The following STEAP4 variants were observed in gnomAD, a reference collection of about 807,000 sequenced individuals.
STEAP4 encodes metalloreductase STEAP4.
Under a neutral mutation model 43.6 loss-of-function variants are expected in STEAP4, and 36 were observed. The observed-to-expected ratio is 0.83, with a 90% CI of 0.63 to 1.09. The LOEUF (loss-of-function observed/expected upper bound fraction) is 1.09. Ranked by LOEUF, STEAP4 falls within the 50% of genes least tolerant of loss-of-function variation. The pLI is 0.00. For missense variants in STEAP4, 495 were observed against 546.5 expected (o/e 0.91, Z 0.94); for synonymous variants, 191 against 196.7 (o/e 0.97, Z 0.24).
At position 88,284,390 on chromosome 7, in the gene STEAP4, ATATT is replaced by A. The variant is rs1388541012; in HGVS notation, c.-2-123_-2-120del. ...TTGTTGTAATCTAATTATCTTAACT[ATATT>A]TACCCCCAAATTTGGAAGGAGTAAA... On this transcript the variant is annotated intron_variant, in intron 1 of 4. Transcript: ENST00000380079. 19 of 760,884 alleles carry A rather than the reference ATATT, an allele frequency of 2.5e-5. No individual in the cohort carries two copies. In the Admixed American group the frequency reaches 4.1e-4, roughly 16 times the overall value. The allele number at this position is 760,884 out of a possible 1,614,324, so 47.1% of individuals were successfully genotyped here.
chr7:88,303,189 A>AG (rs1853067182), intron 1 of STEAP4, among the ~76,000 whole-genome samples: 1 of 140,938 alleles, frequency 7.1e-6, no homozygotes, highest in Non-Finnish European at 1.6e-5. Flanking sequence ...TGCATTAAAA[A>AG]AAAAAAAAAA....
intron 1 of STEAP4, among the ~76,000 whole-genome samples, chr7:88,303,616 G>T (rs1853077627): frequency 6.6e-6 from 1 of 152,102 alleles, no homozygotes; most frequent in Non-Finnish European, 1.5e-5. Flanking sequence ...TTGTGGAGAA[G>T]AATTTAGATT....
intron 1 of STEAP4, among the ~76,000 whole-genome samples, chr7:88,289,603 T>C (rs185164565): frequency 6.6e-6 from 1 of 152,252 alleles, no homozygotes; most frequent in East Asian, 1.9e-4. Context: ...ATTTAGGCCT[T>C]TGTAGGGAGG....
chr7:88,292,537 C>A (rs907318309), intron 1 of STEAP4: 3 of 152,078 alleles, frequency 2.0e-5, no homozygotes, highest in Admixed American at 2.0e-4. Flanking sequence ...ATCTTTCACC[C>A]AGTTTCCTCC....
Position 88,271,867 on chromosome 7 carries a change from C to G in STEAP4, c.*7531G>C, listed in dbSNP as rs1404887386. 6.6e-6 allele frequency: 1 copy of G among 152,210 alleles called. No homozygotes were observed. The highest frequency in any genetic ancestry group is 1.5e-5 in the Non-Finnish European group (1 of 68,040). The allele number at this position is 152,210 out of a possible 1,614,324, so 9.4% of individuals were successfully genotyped here. A position where few individuals can be genotyped will look rare whatever the true frequency, so the allele number is the denominator to read the frequency against. On this transcript the variant is annotated 3_prime_UTR_variant, in exon 5 of 5. Coordinates refer to ENST00000380079, the MANE Select transcript of STEAP4 (RefSeq NM_024636.4). ...AAACATTTGGATTTTTGCCCATCTA[C>G]TAGGTGAGAAATGGTATTGATACAG... is the stretch of plus-strand genomic sequence containing the variant.
chr7:88,283,162 C>A lies in STEAP4; in HGVS notation c.463G>T (p.Val155Leu), dbSNP rs772480842. 6.5e-6 allele frequency: 10 copies of A among 1,537,756 alleles called. No individual in the cohort carries two copies. The highest frequency in any genetic ancestry group is 1.3e-5 in the South Asian group (1 of 76,828). ...GALDASRQVF[V>L]CGNDSKAKQR... ...TTGGCTTTGCTGTCATTTCCACACA[C>A]AAACACCTAGTTTAAAAACAGTTAA... is the stretch of plus-strand genomic sequence containing the variant. The change falls in exon 3 of 5, where the codon GTG becomes TTG. Residue 155 changes from valine to leucine, a missense_variant. By Grantham distance (32) the Val-to-Leu change is conservative (BLOSUM62 1). Transcript: ENST00000380079.
chr7:88,299,382 G>GATTC (rs528258563), intron 1 of STEAP4, among the ~76,000 whole-genome samples: 67 of 152,318 alleles, frequency 4.4e-4, no homozygotes, highest in Non-Finnish European at 7.6e-4. Context: ...CAAGGTCAGG[G>GATTC]ATTCAGTCGT....
In STEAP4 at chr7:88,275,881, G is replaced by C. The variant is rs745386792; in HGVS notation, c.*3517C>G. On this transcript the variant is annotated 3_prime_UTR_variant, in exon 5 of 5. Transcript: ENST00000380079. The stretch of plus-strand genomic sequence containing the variant: ...TAATTGAAATGGCTTTTTCAGTAGG[G>C]GCTTTCCATTTGCTTCCAGCTTCCT... 2.0e-5 allele frequency: 3 copies of C among 151,974 alleles called. No homozygotes were observed. Among genetic ancestry groups the C allele is most frequent in the Non-Finnish European group, 2.9e-5 (2 of 68,008 alleles). The allele number at this position is 151,974 out of a possible 1,614,324, so 9.4% of individuals were successfully genotyped here.
At position 88,274,658 on chromosome 7, in the gene STEAP4, G is replaced by A. The variant is rs1244595662; in HGVS notation, c.*4740C>T. 6.6e-6 allele frequency: 1 copy of A among 152,198 alleles called. No homozygotes were observed. The highest frequency in any genetic ancestry group is 2.4e-5 in the African/African-American group (1 of 41,454). 9.4% of individuals were successfully genotyped at this position (152,198 alleles called of 1,614,324 possible). On this transcript the variant is annotated 3_prime_UTR_variant, in exon 5 of 5. Coordinates refer to ENST00000380079, the MANE Select transcript of STEAP4 (RefSeq NM_024636.4). ...ATAAAAGGGCTATTTCATAGGCAGA[G>A]CAGTGGCATGGGCTGCCTGGCTGAG...
chr7:88,285,771 A>AAAAG (rs1048427597), intron 1 of STEAP4, among the ~76,000 whole-genome samples: 2 of 150,676 alleles, frequency 1.3e-5, no homozygotes, highest in African/African-American at 2.4e-5. Context: ...AAAAAAAAAA[A>AAAAG]AAAGAAAGAA....
chr7:88,286,532 T>A (rs1324929774), intron 1 of STEAP4, among the ~76,000 whole-genome samples: 2 of 152,152 alleles, frequency 1.3e-5, no homozygotes, highest in Non-Finnish European at 2.9e-5. Context: ...CGTGTCACCA[T>A]AAGTCATTCA....
chr7:88,278,452 ATTAAT>A lies in STEAP4; in HGVS notation c.*941_*945del, dbSNP rs1405754877. ...TAGAAGCTACTTATTTACACTAGAA[ATTAAT>A]TTAATAGATGAAAAATATTGAGCAA... On this transcript the variant is annotated 3_prime_UTR_variant, in exon 5 of 5. Coordinates refer to ENST00000380079, the MANE Select transcript of STEAP4 (RefSeq NM_024636.4). 2.0e-5 allele frequency: 3 copies of A among 152,322 alleles called. No homozygotes were observed. The highest frequency in any genetic ancestry group is 3.9e-4 in the East Asian group (2 of 5,190). The allele number at this position is 152,322 out of a possible 1,614,324, so 9.4% of individuals were successfully genotyped here. A position where few individuals can be genotyped will look rare whatever the true frequency, so the allele number is the denominator to read the frequency against.
At chr7:88,299,706 T>G (rs766300929) in intron 1 of STEAP4, among the ~76,000 whole-genome samples, 3 of 152,250 alleles carry the variant, frequency 2.0e-5, no homozygotes, top group Non-Finnish European at 4.4e-5. Flanking sequence ...TGAATTAACT[T>G]TGTTCAAATA....
At chr7:88,290,772 A>G (rs1170715770) in intron 1 of STEAP4, 4 of 152,204 alleles carry the variant, frequency 2.6e-5, no homozygotes, top group Non-Finnish European at 4.4e-5. Context: ...CTTAAGGTCC[A>G]TAAATGCTCC....
At chr7:88,289,061 C>CGTGT (rs144044107) in intron 1 of STEAP4, among the ~76,000 whole-genome samples, 16,985 of 148,336 alleles carry the variant, frequency 0.11, 1,128 homozygotes, top group Middle Eastern at 0.16. Flanking sequence ...CATGCATGCG[C>CGTGT]GTGTGTGTGT....
intron 1 of STEAP4, among the ~76,000 whole-genome samples, chr7:88,288,352 T>C (rs1274192810): frequency 6.6e-6 from 1 of 152,112 alleles, no homozygotes; most frequent in South Asian, 2.1e-4. Flanking sequence ...GTATTTTTAG[T>C]AGAGACAGGG....
At position 88,283,345 on chromosome 7, in the gene STEAP4, T is replaced by TAAGATAGG; in HGVS notation, c.457-178_457-177insCCTATCTT. 3 of 678,364 alleles carry TAAGATAGG rather than the reference T, an allele frequency of 4.4e-6. No individual in the cohort carries two copies. In the South Asian group the frequency reaches 8.2e-5, roughly 18 times the overall value. The allele number at this position is 678,364 out of a possible 1,614,324, so 42.0% of individuals were successfully genotyped here. A position where few individuals can be genotyped will look rare whatever the true frequency, so the allele number is the denominator to read the frequency against. ...ATGTTTTAAACTTGTATGTGGTGTC[T>TAAGATAGG]TAGATAGGTAAGTACCAGGGTTTTT... On this transcript the variant is annotated intron_variant, in intron 2 of 4. Transcript: ENST00000380079.
intron 4 of STEAP4, among the ~76,000 whole-genome samples, chr7:88,280,541 G>C (rs1157783722): frequency 6.6e-6 from 1 of 152,176 alleles, no homozygotes; most frequent in African/African-American, 2.4e-5. Context: ...AAGTCTTCCG[G>C]TGTGATGACA....
rs1163592188 is a variant in STEAP4 at position 88,271,579 on chromosome 7, C to T, written c.*7819G>A. On this transcript the variant is annotated 3_prime_UTR_variant, in exon 5 of 5. Transcript: ENST00000380079. ...CCAAAGATGAATGCTTGAATCACTG[C>T]CCATATTCTACTTTTACAATGTTAT... 1 of 152,132 alleles carries T rather than the reference C, an allele frequency of 6.6e-6. No homozygotes were observed. Among genetic ancestry groups the T allele is most frequent in the Non-Finnish European group, 1.5e-5 (1 of 68,020 alleles). 9.4% of individuals were successfully genotyped at this position (152,132 alleles called of 1,614,324 possible).
Sources: allele counts gnomAD v4.1 joint callset (sites outside exome capture counted in the v4.1 genomes callset), GRCh38; gene constraint gnomAD v4.1.1; transcripts MANE v1.5; gene names NCBI Gene and HGNC (gene_info 2026-07-23, HGNC 2026-07-21).